ZNF521: variants seen among roughly 807,000 people sequenced by gnomAD.
ZNF521 encodes the protein zinc finger protein 521.
A neutral mutation model predicts 105.5 loss-of-function variants in ZNF521; 14 were observed. The ratio of observed to expected loss-of-function variants is 0.13; its 90% CI spans 0.09 to 0.21. The LOEUF (loss-of-function observed/expected upper bound fraction) is 0.21. Among genes scored for constraint, ZNF521 ranks in the 10% least tolerant of loss-of-function variants. ZNF521 has a pLI of 1.00. For missense variants in ZNF521, 1,233 were observed against 1,629.7 expected (o/e 0.76, Z 4.19); for synonymous variants, 635 against 606.0 (o/e 1.05, Z -0.70).
chr18:25,178,387 T>C (rs1340064909), intron 5 of ZNF521, among the ~76,000 whole-genome samples: 2 of 152,226 alleles, frequency 1.3e-5, no homozygotes, highest in East Asian at 1.9e-4. Context: ...ACAAAGCTCT[T>C]GCTATTTAAA....
intron 5 of ZNF521, among the ~76,000 whole-genome samples, chr18:25,125,658 T>C (rs1600067133): frequency 6.6e-6 from 1 of 151,882 alleles, no homozygotes; most frequent in African/African-American, 2.4e-5. Context: ...TGTGTATGTA[T>C]GTGTAATGGT....
At chr18:25,110,473 G>C (rs1194875934) in intron 5 of ZNF521, among the ~76,000 whole-genome samples, 1 of 152,170 alleles carries the variant, frequency 6.6e-6, no homozygotes, top group South Asian at 2.1e-4. Flanking sequence ...GAGAGAATGA[G>C]AGAGGGAGGG....
chr18:25,130,925 A>C (rs562879408), intron 5 of ZNF521, among the ~76,000 whole-genome samples: 1 of 151,800 alleles, frequency 6.6e-6, no homozygotes, highest in South Asian at 2.1e-4. Context: ...CCTGGGTGAA[A>C]GAATGAGATC....
At chr18:25,093,255 G>T (rs1040706069) in intron 5 of ZNF521, among the ~76,000 whole-genome samples, 1 of 152,108 alleles carries the variant, frequency 6.6e-6, no homozygotes. Flanking sequence ...TAATAGATAT[G>T]GTGGAGCACA....
At chr18:25,195,396 C>T (rs2035885730) in intron 4 of ZNF521, 152 bp from the exon 5 acceptor site, 1 of 575,362 alleles carries the variant, frequency 1.7e-6, no homozygotes, top group Non-Finnish European at 3.0e-6. Flanking sequence ...TCTACGAATT[C>T]CTTACTTAGA....
At chr18:25,105,816 T>A (rs2144275728) in intron 5 of ZNF521, among the ~76,000 whole-genome samples, 1 of 152,300 alleles carries the variant, frequency 6.6e-6, no homozygotes, top group East Asian at 1.9e-4. Context: ...GATGCTTAGT[T>A]TACTGGGTCC....
intron 5 of ZNF521, among the ~76,000 whole-genome samples, chr18:25,161,243 A>T (rs933202459): frequency 6.6e-6 from 1 of 152,084 alleles, no homozygotes; most frequent in Admixed American, 6.6e-5. Context: ...CACACATACC[A>T]CACACACGGT....
chr18:25,174,455 T>C (rs532273119), intron 5 of ZNF521, among the ~76,000 whole-genome samples: 1 of 152,304 alleles, frequency 6.6e-6, no homozygotes, highest in Non-Finnish European at 1.5e-5. Context: ...GGATTCAAGC[T>C]AGTATAAATA....
At chr18:25,298,415 A>ATC (rs1462117883) in intron 3 of ZNF521, among the ~76,000 whole-genome samples, 2 of 151,944 alleles carry the variant, frequency 1.3e-5, no homozygotes, top group Admixed American at 6.6e-5. Flanking sequence ...TCCTTAGGGC[A>ATC]TCTCTCTCTC....
At chr18:25,340,792 AAGAT>A (rs1044015480) in intron 2 of ZNF521, among the ~76,000 whole-genome samples, 9 of 152,194 alleles carry the variant, frequency 5.9e-5, no homozygotes. Context: ...CACAGGGACA[AAGAT>A]AGAGATAAAA....
At chr18:25,222,353 G>A (rs1482615637) in intron 4 of ZNF521, among the ~76,000 whole-genome samples, 2 of 152,178 alleles carry the variant, frequency 1.3e-5, no homozygotes, top group Admixed American at 1.3e-4. Context: ...AACTTAATGT[G>A]TAAATACTAT....
At chr18:25,275,588 T>C (rs1234757951) in intron 3 of ZNF521, among the ~76,000 whole-genome samples, 1 of 152,196 alleles carries the variant, frequency 6.6e-6, no homozygotes, top group Non-Finnish European at 1.5e-5. Flanking sequence ...CACATTTTGA[T>C]TACCCACACT....
At chr18:25,314,413 A>G (rs900463719) in intron 3 of ZNF521, among the ~76,000 whole-genome samples, 1 of 152,220 alleles carries the variant, frequency 6.6e-6, no homozygotes, top group Non-Finnish European at 1.5e-5. Flanking sequence ...TAATAAGGAT[A>G]TTCCAGATGT....
intron 3 of ZNF521, among the ~76,000 whole-genome samples, chr18:25,284,767 G>A (rs1910591793): frequency 6.6e-6 from 1 of 152,052 alleles, no homozygotes; most frequent in Non-Finnish European, 1.5e-5. Context: ...TACATTGGGA[G>A]TATAAAAAAA....
chr18:25,176,722 G>A (rs1388743727), intron 5 of ZNF521, among the ~76,000 whole-genome samples: 5 of 152,198 alleles, frequency 3.3e-5, no homozygotes, highest in Admixed American at 6.5e-5. Context: ...CCGAGGGATC[G>A]CAGCGTAGTG....
At chr18:25,247,816 C>A (rs543420826) in intron 3 of ZNF521, among the ~76,000 whole-genome samples, 3 of 151,928 alleles carry the variant, frequency 2.0e-5, no homozygotes, top group African/African-American at 7.3e-5. Context: ...TGGCAATGGT[C>A]CAGTGAGAGG....
At chr18:25,111,728 G>A (rs934873905) in intron 5 of ZNF521, among the ~76,000 whole-genome samples, 1 of 152,150 alleles carries the variant, frequency 6.6e-6, no homozygotes, top group African/African-American at 2.4e-5. Flanking sequence ...AATTTCCAAG[G>A]CACAGGCTCG....
chr18:25,204,905 C>T (rs2036051901), intron 4 of ZNF521, among the ~76,000 whole-genome samples: 1 of 151,880 alleles, frequency 6.6e-6, no homozygotes, highest in Non-Finnish European at 1.5e-5. Context: ...AAAAATCTAC[C>T]TGAATAAAAT....
intron 3 of ZNF521, among the ~76,000 whole-genome samples, chr18:25,284,146 A>T (rs1910550952): frequency 6.6e-6 from 1 of 152,234 alleles, no homozygotes; most frequent in Non-Finnish European, 1.5e-5. Flanking sequence ...ACAGCCAAGG[A>T]AAGATCTAGA....
Sources: allele counts gnomAD v4.1 joint callset (sites outside exome capture counted in the v4.1 genomes callset), GRCh38; gene constraint gnomAD v4.1.1; transcripts MANE v1.5; gene names NCBI Gene and HGNC (gene_info 2026-07-23, HGNC 2026-07-21).